TJP1: variants seen among roughly 807,000 people sequenced by gnomAD.
The protein encoded by TJP1 is tight junction protein 1.
Under a neutral mutation model 194.2 loss-of-function variants are expected in TJP1, and 43 were observed. That is an observed-to-expected ratio of 0.22 (90% confidence interval 0.17 to 0.29). TJP1 has a LOEUF of 0.29. Among genes scored for constraint, TJP1 ranks in the 10% least tolerant of loss-of-function variants. The probability of loss-of-function intolerance (pLI) is 1.00; values close to 1 mark genes in which losing one functional copy is unlikely to be tolerated. For missense variants in TJP1, 1,971 were observed against 2,185.7 expected (o/e 0.90, Z 1.96); for synonymous variants, 801 against 779.0 (o/e 1.03, Z -0.47).
chr15:29,910,485 T>C (rs769344214), intron 2 of TJP1, among the ~76,000 whole-genome samples: 5 of 152,234 alleles, frequency 3.3e-5, no homozygotes, highest in Non-Finnish European at 7.3e-5. Context: ...TTGTCTGGTA[T>C]CATGTTTACT....
intron 10 of TJP1, among the ~76,000 whole-genome samples, chr15:29,740,255 A>G (rs1420803610): frequency 6.6e-6 from 1 of 152,120 alleles, no homozygotes; most frequent in East Asian, 1.9e-4. Flanking sequence ...GTTTACAGGC[A>G]TAAGCCACTG....
At chr15:29,931,144 G>A (rs1719361) in intron 2 of TJP1, among the ~76,000 whole-genome samples, 29,023 of 152,090 alleles carry the variant, frequency 0.19, 2,885 homozygotes, top group East Asian at 0.35. Flanking sequence ...GAAAGAAAAT[G>A]TTGTTAAAAA....
intron 23 of TJP1, among the ~76,000 whole-genome samples, chr15:29,713,257 TGA>T (rs1382018360): frequency 6.6e-6 from 1 of 152,232 alleles, no homozygotes; most frequent in Non-Finnish European, 1.5e-5. Context: ...ATCTCTGGAC[TGA>T]GACATGTGCA....
intron 2 of TJP1, among the ~76,000 whole-genome samples, chr15:29,874,327 T>G (rs2052626339): frequency 6.6e-6 from 1 of 152,128 alleles, no homozygotes; most frequent in Admixed American, 6.5e-5. Flanking sequence ...CAGTCCCCAC[T>G]GTGGGCTGTC....
At chr15:29,779,380 C>G (rs118045674) in intron 2 of TJP1, among the ~76,000 whole-genome samples, 26 of 152,178 alleles carry the variant, frequency 1.7e-4, no homozygotes, top group Non-Finnish European at 3.1e-4. Context: ...CTTTCTCCCC[C>G]ACACCTTGGA....
At chr15:29,846,625 C>T (rs1457389318) in intron 2 of TJP1, among the ~76,000 whole-genome samples, 3 of 151,994 alleles carry the variant, frequency 2.0e-5, no homozygotes, top group Non-Finnish European at 1.5e-5. Context: ...ACATATCAGC[C>T]CTACAAAAGA....
At chr15:29,796,845 A>C (rs1253413785) in intron 2 of TJP1, among the ~76,000 whole-genome samples, 7 of 152,212 alleles carry the variant, frequency 4.6e-5, no homozygotes, top group Admixed American at 3.9e-4. Context: ...AGACCAGACA[A>C]GGGAGTCCAG....
At chr15:29,754,478 G>A (rs1266549198) in intron 8 of TJP1, among the ~76,000 whole-genome samples, 2 of 151,954 alleles carry the variant, frequency 1.3e-5, no homozygotes, top group African/African-American at 4.8e-5. Context: ...GTTTACCTAC[G>A]TAACAAACCT....
intron 2 of TJP1, among the ~76,000 whole-genome samples, chr15:29,928,891 G>A (rs926862971): frequency 1.3e-4 from 20 of 152,010 alleles, no homozygotes; most frequent in African/African-American, 4.1e-4. Context: ...GCAGTGAGCC[G>A]AGATCTCGCC....
chr15:29,774,406 C>G (rs529566933), intron 2 of TJP1, among the ~76,000 whole-genome samples: 1 of 152,124 alleles, frequency 6.6e-6, no homozygotes, highest in Admixed American at 6.5e-5. Context: ...TATATCCATA[C>G]AATGAAACAT....
intron 2 of TJP1, among the ~76,000 whole-genome samples, chr15:29,850,385 T>C (rs936261622): frequency 3.3e-5 from 5 of 152,078 alleles, no homozygotes; most frequent in Non-Finnish European, 7.4e-5. Context: ...GGCTGGAGTG[T>C]AGTGGCGCAA....
intron 1 of TJP1, among the ~76,000 whole-genome samples, chr15:29,804,949 A>AT (rs1321866387): frequency 6.6e-6 from 1 of 152,168 alleles, no homozygotes; most frequent in African/African-American, 2.4e-5. Context: ...CGTGATCTTA[A>AT]TTTTCCTCAC....
intron 2 of TJP1, among the ~76,000 whole-genome samples, chr15:29,884,777 A>C (rs1009090699): frequency 2.0e-5 from 3 of 152,170 alleles, no homozygotes; most frequent in Non-Finnish European, 2.9e-5. Context: ...GGTACAGTTC[A>C]AGGAAGGCTG....
intron 2 of TJP1, among the ~76,000 whole-genome samples, chr15:29,884,608 T>A (rs2053051751): frequency 6.6e-6 from 1 of 152,226 alleles, no homozygotes. Context: ...GCAGAATTAA[T>A]ATTTCTATTA....
At chr15:29,948,216 C>T (rs375939712) in intron 2 of TJP1, among the ~76,000 whole-genome samples, 94 of 148,438 alleles carry the variant, frequency 6.3e-4, no homozygotes, top group African/African-American at 2.3e-3. Flanking sequence ...GAGGCGAGAT[C>T]GTGCCATCAC....
upstream of TJP1, among the ~76,000 whole-genome samples, chr15:29,825,004 T>G (rs564127090): frequency 2.0e-5 from 3 of 152,212 alleles, no homozygotes; most frequent in Non-Finnish European, 2.9e-5. Flanking sequence ...TTAAAATTTT[T>G]CAGTGGTATT....
chr15:29,923,535 T>G (rs1351164408), intron 2 of TJP1, among the ~76,000 whole-genome samples: 2 of 152,126 alleles, frequency 1.3e-5, no homozygotes, highest in African/African-American at 2.4e-5. Flanking sequence ...AAAAACAGCA[T>G]GCAAAGTCAA....
intron 2 of TJP1, among the ~76,000 whole-genome samples, chr15:29,836,791 G>A (rs967853501): frequency 6.6e-6 from 1 of 152,168 alleles, no homozygotes; most frequent in Non-Finnish European, 1.5e-5. Context: ...GCTGGAGGGA[G>A]AGAGATCACC....
intron 2 of TJP1, among the ~76,000 whole-genome samples, chr15:29,916,081 C>CA (rs2152237453): frequency 6.6e-6 from 1 of 151,950 alleles, no homozygotes; most frequent in African/African-American, 2.4e-5. Context: ...CCCGCCTCTA[C>CA]AAAAAATACA....
Sources: allele counts gnomAD v4.1 joint callset (sites outside exome capture counted in the v4.1 genomes callset), GRCh38; gene constraint gnomAD v4.1.1; transcripts MANE v1.5; gene names NCBI Gene and HGNC (gene_info 2026-07-23, HGNC 2026-07-21).